Variants in MTCL1 observed in about 807,000 individuals in gnomAD.
The protein encoded by MTCL1 is microtubule crosslinking factor 1.
In MTCL1, 79 loss-of-function variants were observed where a neutral mutation model predicts 141.4. That is an observed-to-expected ratio of 0.56 (90% CI 0.47 to 0.67). The LOEUF (loss-of-function observed/expected upper bound fraction) is 0.67. Among genes scored for constraint, MTCL1 ranks in the 30% least tolerant of loss-of-function variants. MTCL1 has a pLI of 0.00. For missense variants in MTCL1, 2,177 were observed against 2,113.9 expected, an observed-to-expected ratio of 1.03 and a Z score of -0.59; for synonymous variants, 914 against 875.8, an observed-to-expected ratio of 1.04 and a Z score of -0.77.
intron 8 of MTCL1, among the ~76,000 whole-genome samples, chr18:8,794,099 G>T (rs1257372721): frequency 6.6e-6 from 1 of 152,178 alleles, no homozygotes; most frequent in Non-Finnish European, 1.5e-5. Flanking sequence ...TCATTTAGGG[G>T]TCAAGTTGCA....
intron 5 of MTCL1, among the ~76,000 whole-genome samples, chr18:8,778,298 T>C (rs555051558): frequency 1.3e-4 from 20 of 152,256 alleles, no homozygotes; most frequent in Non-Finnish European, 2.4e-4. Context: ...TTTTTAAATG[T>C]GCAAGCTGAA....
intron 4 of MTCL1, among the ~76,000 whole-genome samples, chr18:8,756,411 A>G (rs1341325626): frequency 6.8e-6 from 1 of 146,506 alleles, no homozygotes; most frequent in Admixed American, 6.8e-5. Context: ...ATATGTGTGT[A>G]TATGTGTATA....
In MTCL1 at chr18:8,822,611, C is replaced by A. The variant is rs143844026; in HGVS notation, c.3188+1113C>A. On this transcript the variant is annotated intron_variant, in intron 14 of 16. Coordinates refer to ENST00000359865, the Ensembl canonical transcript of MTCL1. The surrounding 1 kb of genome is among the most constrained non-coding windows in gnomAD (Gnocchi z 4.6). Reference sequence around the variant, plus strand: ...CAGCCCAAACTGCCTGGGTTTGAATCGCTTCTGCCTCCTTGGGTAGGTTAC... The same window carrying A: ...CAGCCCAAACTGCCTGGGTTTGAATAGCTTCTGCCTCCTTGGGTAGGTTAC... Among the ~76,000 whole-genome samples, 8 of 152,206 alleles carry A rather than the reference C, an allele frequency of 5.3e-5. No individual in the cohort carries two copies. The highest frequency in any genetic ancestry group is 1.9e-4 in the African/African-American group (8 of 41,462).
chr18:8,725,994 T>G (rs1027584773), intron 4 of MTCL1, among the ~76,000 whole-genome samples: 2 of 151,882 alleles, frequency 1.3e-5, no homozygotes, highest in Non-Finnish European at 2.9e-5. Context: ...GGTTTCACCA[T>G]GTTAGCCAGG....
intron 10 of MTCL1, among the ~76,000 whole-genome samples, chr18:8,800,036 G>A (rs2076062312): frequency 6.6e-6 from 1 of 152,228 alleles, no homozygotes; most frequent in Admixed American, 6.5e-5. Context: ...GTGGGCCAGT[G>A]TTCACAGTAG....
At chr18:8,740,740 C>T (rs1369297251) in intron 4 of MTCL1, among the ~76,000 whole-genome samples, 1 of 152,184 alleles carries the variant, frequency 6.6e-6, no homozygotes, top group African/African-American at 2.4e-5. Flanking sequence ...GCCTCGGCTT[C>T]CCAAAGTGCT....
exon 1 of MTCL1, chr18:8,706,018 G>C: frequency 1.7e-6 from 2 of 1,171,156 alleles, no homozygotes; most frequent in South Asian, 8.4e-5. Flanking sequence ...GGCCAGAGCG[G>C]CGGGCGGTGC....
chr18:8,706,198 G>A, exon 1 of MTCL1: 1 of 1,225,822 alleles, frequency 8.2e-7, no homozygotes, highest in Non-Finnish European at 1.0e-6. Context: ...CCCGACCCCG[G>A]CCGCCCGGAT....
rs7235093 is a variant in MTCL1 at position 8,830,182 on chromosome 18, C to G, written c.*18+1218C>G. ...CAGTGAGATGAGGACACAGGAGCAC[C>G]TTGGGTTAGTCTGCATCTTGGTGGC... On this transcript the variant is annotated intron_variant, in intron 16 of 16. Coordinates refer to ENST00000359865, the Ensembl canonical transcript of MTCL1. This position sits in a 1 kb window ranked among gnomAD's most constrained non-coding sequence, Gnocchi z 6.4. 2 of 985,386 alleles carry G rather than the reference C, an allele frequency of 2.0e-6. No homozygotes were observed. The highest frequency in any genetic ancestry group is 3.5e-5 in the African/African-American group (2 of 57,186). 61.0% of individuals were successfully genotyped at this position (985,386 alleles called of 1,614,324 possible).
rs1330964940 is a variant in MTCL1 at position 8,822,389 on chromosome 18, G to T, written c.3188+891G>T. On this transcript the variant is annotated intron_variant, in intron 14 of 16. Transcript: ENST00000359865. This position sits in a 1 kb window ranked among gnomAD's most constrained non-coding sequence, Gnocchi z 4.6. ...GGCTCACTGCAACCTCTGCCCCCTG[G>T]GTTCAAGCAATTCTGCATCAGCCTC... Among the ~76,000 whole-genome samples the T allele has an allele frequency of 6.6e-6, 1 of 152,122 alleles. No homozygotes were observed. The highest frequency in any genetic ancestry group is 2.4e-5 in the African/African-American group (1 of 41,432).
At chr18:8,751,381 G>C (rs1296057762) in intron 4 of MTCL1, among the ~76,000 whole-genome samples, 1 of 152,154 alleles carries the variant, frequency 6.6e-6, no homozygotes, top group Non-Finnish European at 1.5e-5. Context: ...AGTGAAACGC[G>C]ATGCTTGATC....
intron 7 of MTCL1, among the ~76,000 whole-genome samples, 199 bp from the exon 7 acceptor site, chr18:8,792,799 C>T (rs996238171): frequency 6.6e-6 from 1 of 152,214 alleles, no homozygotes; most frequent in Non-Finnish European, 1.5e-5. Context: ...GGAACTGTCC[C>T]TCCCCAGGTA....
exon 17 of MTCL1, chr18:8,831,903 C>T (rs773317021): frequency 8.8e-5 from 121 of 1,372,416 alleles, no homozygotes; most frequent in Non-Finnish European, 1.2e-4. Context: ...CTAGTTTTCT[C>T]AAGGTCAAAG....
upstream of MTCL1, among the ~76,000 whole-genome samples, chr18:8,716,323 G>A (rs2111836): frequency 0.57 from 85,877 of 151,922 alleles, 25,083 homozygotes; most frequent in African/African-American, 0.7. Flanking sequence ...TGAGTAGCTC[G>A]TTCTCTTGAT....
exon 3 of MTCL1, chr18:8,718,486 T>C (rs1196886497): frequency 2.5e-6 from 4 of 1,614,184 alleles, no homozygotes; most frequent in South Asian, 2.2e-5. Flanking sequence ...TAGAGGAAGA[T>C]GTTTACCAGC....
At chr18:8,796,328 G>A in exon 9 of MTCL1, 1 of 1,614,198 alleles carries the variant, frequency 6.2e-7, no homozygotes, top group Non-Finnish European at 8.5e-7. Flanking sequence ...CTGGAGTGAT[G>A]AGAAGAATCT....
chr18:8,782,698 G>T (rs1301176264), intron 5 of MTCL1: 1 of 152,162 alleles, frequency 6.6e-6, no homozygotes, highest in Non-Finnish European at 1.5e-5. Flanking sequence ...CTGTGTTATA[G>T]CAACTAAAGG....
exon 12 of MTCL1, chr18:8,813,137 C>G (rs747895017): frequency 1.9e-6 from 3 of 1,614,164 alleles, no homozygotes; most frequent in Non-Finnish European, 2.5e-6. Context: ...GCGAGAAGAA[C>G]TGGAACCGGG....
upstream of MTCL1, chr18:8,705,609 C>CCGCCGCCGCCGTCGT (rs1387679120): frequency 3.4e-6 from 4 of 1,189,990 alleles, no homozygotes; most frequent in African/African-American, 6.6e-5. This position sits in a 1 kb window ranked among gnomAD's most constrained non-coding sequence, Gnocchi z 5.2. Flanking sequence ...GCCGCCGCCG[C>CCGCCGCCGCCGTCGT]CGTCGTCGTC....
Sources: gnomAD v4.1 joint callset for allele counts (sites outside exome capture counted in the v4.1 genomes callset) on GRCh38, gnomAD v4.1.1 for gene constraint, Gnocchi (gnomAD v3.1) non-coding constraint, MANE v1.5 for transcripts, NCBI Gene and HGNC (gene_info 2026-07-23, HGNC 2026-07-21) for gene names.